Variants in TANC2 observed in about 807,000 individuals in gnomAD.
TANC2 encodes the protein tetratricopeptide repeat, ankyrin repeat and coiled-coil containing 2, also known as protein TANC2.
A neutral mutation model predicts 210.5 loss-of-function variants in TANC2; 26 were observed. The ratio of observed to expected loss-of-function variants is 0.12; its 90% confidence interval spans 0.09 to 0.17. The LOEUF is 0.17. TANC2 is among the 10% of genes least tolerant of loss of function. TANC2 has a pLI of 1.00. For synonymous variants in TANC2, 931 were observed against 967.1 expected (o/e 0.96, Z 0.69); for missense variants, 2,129 against 2,608.9 (o/e 0.82, Z 4.01).
chr17:63,343,222 T>A (rs1282329654), intron 12 of TANC2, among the ~76,000 whole-genome samples: 1 of 152,210 alleles, frequency 6.6e-6, no homozygotes, highest in African/African-American at 2.4e-5. Context: ...TGCAGTTTTT[T>A]AAATATAAAG....
intron 6 of TANC2, 62 bp from the exon 7 acceptor site, chr17:63,200,709 C>T: frequency 2.2e-6 from 3 of 1,375,384 alleles, no homozygotes; most frequent in Non-Finnish European, 2.0e-6. Flanking sequence ...TTTATTTTAT[C>T]TTAAAATATA....
intron 2 of TANC2, among the ~76,000 whole-genome samples, chr17:63,036,682 T>G (rs1020218398): frequency 2.6e-5 from 4 of 152,194 alleles, no homozygotes; most frequent in African/African-American, 9.6e-5. Flanking sequence ...ATTAAATCTA[T>G]AGATCAACTG....
chr17:63,282,192 A>G (rs1045354607), intron 9 of TANC2, among the ~76,000 whole-genome samples: 4 of 152,138 alleles, frequency 2.6e-5, no homozygotes, highest in African/African-American at 9.7e-5. Context: ...ATTTGAAAAA[A>G]TAAAATTTAT....
At chr17:63,294,470 C>A (rs1463907011) in intron 9 of TANC2, among the ~76,000 whole-genome samples, 1 of 151,728 alleles carries the variant, frequency 6.6e-6, no homozygotes, top group Non-Finnish European at 1.5e-5. Context: ...AGAATGAGAC[C>A]CTGTCTTGAA....
chr17:63,118,219 A>G (rs2038326041), intron 4 of TANC2, among the ~76,000 whole-genome samples: 1 of 152,200 alleles, frequency 6.6e-6, no homozygotes, highest in South Asian at 2.1e-4. Context: ...TATTTCATTA[A>G]CTGGAGTGTT....
intron 1 of TANC2, among the ~76,000 whole-genome samples, chr17:62,992,046 A>G (rs1444510081): frequency 6.6e-6 from 1 of 152,210 alleles, no homozygotes; most frequent in Non-Finnish European, 1.5e-5. Flanking sequence ...TTTACATAGC[A>G]TTTACATTAT....
At chr17:63,112,158 A>T (rs568499185) in intron 4 of TANC2, among the ~76,000 whole-genome samples, 167 of 152,346 alleles carry the variant, frequency 1.1e-3, no homozygotes, top group Non-Finnish European at 2.0e-3. Flanking sequence ...TTGACGGTCC[A>T]GCATTCCTTT....
chr17:63,205,484 GA>G (rs1339776711), intron 7 of TANC2, among the ~76,000 whole-genome samples: 1 of 151,822 alleles, frequency 6.6e-6, no homozygotes, highest in Non-Finnish European at 1.5e-5. Flanking sequence ...AACATAGGAG[GA>G]AATCTTTGGA....
chr17:63,266,736 T>C (rs1440410557), intron 8 of TANC2, among the ~76,000 whole-genome samples: 1 of 152,188 alleles, frequency 6.6e-6, no homozygotes, highest in Non-Finnish European at 1.5e-5. Context: ...GGCAAAACAT[T>C]TGAGGCCCAG....
chr17:63,380,946 C>A (rs2047588675), intron 15 of TANC2, among the ~76,000 whole-genome samples: 1 of 152,140 alleles, frequency 6.6e-6, no homozygotes, highest in African/African-American at 2.4e-5. Flanking sequence ...AAATAACTGG[C>A]AAGGTATGGC....
At chr17:63,001,548 TC>T (rs2033385909) in intron 1 of TANC2, among the ~76,000 whole-genome samples, 12 of 151,228 alleles carry the variant, frequency 7.9e-5, no homozygotes, top group African/African-American at 2.4e-4. Flanking sequence ...TTTTTCTTTT[TC>T]TTTCTTTCTT....
chr17:63,147,353 A>G (rs2039497778), intron 4 of TANC2, among the ~76,000 whole-genome samples: 1 of 151,746 alleles, frequency 6.6e-6, no homozygotes, highest in African/African-American at 2.4e-5. Context: ...CTGTCTCACA[A>G]AAAAAAAGAA....
intron 14 of TANC2, 90 bp downstream of exon 14, chr17:63,355,480 T>A: frequency 1.5e-6 from 2 of 1,331,974 alleles, no homozygotes; most frequent in Non-Finnish European, 2.0e-6. Context: ...TGTTCTTCAT[T>A]GAACATTTCA....
chr17:63,261,605 C>G (rs1266460449), intron 8 of TANC2, among the ~76,000 whole-genome samples: 2 of 152,158 alleles, frequency 1.3e-5, no homozygotes, highest in African/African-American at 4.8e-5. Context: ...AAACTAGATT[C>G]AACTGCTGCT....
chr17:63,417,136 A>G (rs999031121), intron 26 of TANC2, among the ~76,000 whole-genome samples: 2 of 152,244 alleles, frequency 1.3e-5, no homozygotes, highest in Admixed American at 1.3e-4. Flanking sequence ...ACATTTGTTC[A>G]GAAGCGGTTG....
intron 14 of TANC2, among the ~76,000 whole-genome samples, chr17:63,371,466 CAAA>C (rs535768676): frequency 2.0e-5 from 2 of 100,840 alleles, no homozygotes. Context: ...AATTCCGTCT[CAAA>C]AAAAAAAAAA....
chr17:63,224,797 G>A (rs1301307733), intron 7 of TANC2, among the ~76,000 whole-genome samples: 1 of 152,012 alleles, frequency 6.6e-6, no homozygotes, highest in Non-Finnish European at 1.5e-5. Context: ...AGAGGTCATG[G>A]TATTATTGGT....
intron 7 of TANC2, among the ~76,000 whole-genome samples, chr17:63,225,322 C>T (rs1260241782): frequency 1.3e-5 from 2 of 152,194 alleles, no homozygotes; most frequent in Non-Finnish European, 2.9e-5. Context: ...GTTGTTCTTT[C>T]TTAGACTCCT....
chr17:63,220,778 A>G (rs933514570), intron 7 of TANC2, among the ~76,000 whole-genome samples: 8 of 148,044 alleles, frequency 5.4e-5, no homozygotes, highest in Non-Finnish European at 8.9e-5. Context: ...GTATATATAC[A>G]TGTATGTGTA....
Sources: allele counts gnomAD v4.1 joint callset (sites outside exome capture counted in the v4.1 genomes callset), GRCh38; gene constraint gnomAD v4.1.1; transcripts MANE v1.5; gene names NCBI Gene and HGNC (gene_info 2026-07-23, HGNC 2026-07-21).